NDUFS1: variants seen among roughly 807,000 people sequenced by gnomAD.
NDUFS1 encodes NADH-ubiquinone oxidoreductase 75 kDa subunit, mitochondrial.
NDUFS1 carries 61 observed loss-of-function variants against 84.4 expected under a neutral mutation model. That is an observed-to-expected ratio of 0.72 (90% confidence interval 0.59 to 0.89). The LOEUF (loss-of-function observed/expected upper bound fraction) is 0.89. NDUFS1 is among the 40% of genes least tolerant of loss of function. NDUFS1 has a pLI of 0.00. For missense variants in NDUFS1, 891 were observed against 890.0 expected, an observed-to-expected ratio of 1.00 and a Z score of -0.01; for synonymous variants, 275 against 290.0, an observed-to-expected ratio of 0.95 and a Z score of 0.53.
At chr2:206,132,875 G>A (rs1484519370) in intron 14 of NDUFS1, 70 bp downstream of exon 14, 1 of 1,348,214 alleles carries the variant, frequency 7.4e-7, no homozygotes, top group Non-Finnish European at 1.1e-6. Flanking sequence ...ATTTAACAGT[G>A]TATCAGGAAC....
chr2:206,128,776 A>G (rs1691393083), intron 15 of NDUFS1, among the ~76,000 whole-genome samples: 1 of 151,670 alleles, frequency 6.6e-6, no homozygotes, highest in South Asian at 2.1e-4. Flanking sequence ...GTGAGACTCT[A>G]TCTCAAAAAA....
intron 10 of NDUFS1, among the ~76,000 whole-genome samples, chr2:206,143,500 G>T (rs998766367): frequency 4.6e-5 from 7 of 151,820 alleles, no homozygotes; most frequent in African/African-American, 1.7e-4. Context: ...TCTCTAACAA[G>T]AAAACTATTC....
In NDUFS1 at chr2:206,121,235, T is replaced by C. The variant is rs1034410250; in HGVS notation, c.*2950A>G. 3 of 152,222 alleles carry C rather than the reference T, an allele frequency of 2.0e-5. No homozygotes were observed. Among genetic ancestry groups the C allele is most frequent in the Non-Finnish European group, 2.9e-5 (2 of 68,038 alleles). 9.4% of individuals were successfully genotyped at this position (152,222 alleles called of 1,614,324 possible). A position where few individuals can be genotyped will look rare whatever the true frequency, so the allele number is the denominator to read the frequency against. ...TCTTGAGCCTTTGTAGATTTTCTCA[T>C]TGGTGATTCCTTCACTGCTTAGAAT... is the stretch of plus-strand genomic sequence containing the variant. On this transcript the variant is annotated 3_prime_UTR_variant, in exon 19 of 19. Coordinates refer to ENST00000233190, the MANE Select transcript of NDUFS1 (RefSeq NM_005006.7).
At chr2:206,126,491 T>G (rs1691296365) in intron 18 of NDUFS1, 48 bp downstream of exon 18, 2 of 1,529,140 alleles carry the variant, frequency 1.3e-6, no homozygotes, top group Non-Finnish European at 1.8e-6. Context: ...GTGATCTGAT[T>G]ACTTCTTACC....
chr2:206,147,002 A>G lies in NDUFS1; in HGVS notation c.638T>C (p.Met213Thr), dbSNP rs774141878. Residue 213 changes from methionine (M) to threonine (T), a missense_variant, in exon 8 of 19, where the codon ATG becomes ACG. By Grantham distance (81) the Met-to-Thr change is moderately conservative. Transcript: ENST00000233190. Reference protein sequence around the residue: ...DMQVGTYIEKMFMSELSGNII... With the variant: ...DMQVGTYIEKTFMSELSGNII... ...ATTCCCAGACAGTTCAGACATGAAC[A>G]TCTTTTCAATGTATGTGCCAACTTG... is the stretch of plus-strand genomic sequence containing the variant. 1 of 1,614,108 alleles carries G rather than the reference A, an allele frequency of 6.2e-7. No homozygotes were observed. The highest frequency in any genetic ancestry group is 8.5e-7 in the Non-Finnish European group (1 of 1,179,950).
At chr2:206,127,756 G>T in intron 16 of NDUFS1, 41 bp downstream of exon 16, 1 of 1,592,058 alleles carries the variant, frequency 6.3e-7, no homozygotes, top group Non-Finnish European at 8.6e-7. Flanking sequence ...TATCAAATAT[G>T]CCTTTAGTAG....
At chr2:206,137,161 T>A (rs1281736313) in intron 13 of NDUFS1, among the ~76,000 whole-genome samples, 2 of 152,218 alleles carry the variant, frequency 1.3e-5, no homozygotes, top group Non-Finnish European at 2.9e-5. Context: ...CTTATAGTGA[T>A]GTCTTCACCT....
chr2:206,147,627 C>T lies in NDUFS1; in HGVS notation c.455G>A (p.Arg152Gln), dbSNP rs1692208926. ...QSMMFGNDRS[R>Q]FLEGKRAVED... ...CACAGCACGCTTCCCCTCTAAAAAT[C>T]GGCTCCTATCATTTCCAAACATCAT... The change falls in exon 7 of 19, where the codon CGA (arginine) becomes CAA (glutamine). Residue 152 changes from arginine to glutamine, a missense_variant. Coordinates refer to ENST00000233190, the MANE Select transcript of NDUFS1 (RefSeq NM_005006.7). 5 of 1,614,126 alleles carry T rather than the reference C, an allele frequency of 3.1e-6. No homozygotes were observed. Among genetic ancestry groups the T allele is most frequent in the African/African-American group, 1.3e-5 (1 of 75,034 alleles).
Position 206,142,805 on chromosome 2 carries a change from C to T in NDUFS1, c.1014G>A (p.Val338=), listed in dbSNP as rs763080348. Residue 338 remains valine, a synonymous_variant, in exon 11 of 19, where the codon GTG becomes GTA. Coordinates refer to ENST00000233190, the MANE Select transcript of NDUFS1 (RefSeq NM_005006.7). ...CCACCAAGCCACCTGCAATTGCTGCCACATCTTTGCCTTGAAAACTCTGCA... is the reference window on the plus strand; with the variant it reads ...CCACCAAGCCACCTGCAATTGCTGCTACATCTTTGCCTTGAAAACTCTGCA... ...GMLQSFQGKD[V]AAIAGGLVDA... 2.5e-6 allele frequency: 4 copies of T among 1,614,156 alleles called. No homozygotes were observed. Among genetic ancestry groups the T allele is most frequent in the Non-Finnish European group, 3.4e-6 (4 of 1,180,036 alleles).
chr2:206,116,551 G>C lies in NDUFS1; in HGVS notation c.*7634C>G. 2.7e-6 allele frequency: 2 copies of C among 733,460 alleles called. No individual in the cohort carries two copies. Among genetic ancestry groups the C allele is most frequent in the Middle Eastern group, 3.9e-4 (1 of 2,594 alleles). 45.4% of individuals were successfully genotyped at this position (733,460 alleles called of 1,614,324 possible). ...CGCTACGCCTCAGCCACTCGCGCGG[G>C]GAGGCGGGGCGGTGTGGGCAGAAGT... On this transcript the variant is annotated 3_prime_UTR_variant, in exon 19 of 19. Coordinates refer to ENST00000233190, the MANE Select transcript of NDUFS1 (RefSeq NM_005006.7).
At chr2:206,156,187 C>T (rs867464770) in intron 1 of NDUFS1, among the ~76,000 whole-genome samples, 50 of 148,744 alleles carry the variant, frequency 3.4e-4, no homozygotes, top group Middle Eastern at 6.9e-3. Context: ...GGCGTGAACC[C>T]GGGAGGCGGA....
chr2:206,149,128 T>C, intron 4 of NDUFS1, 32 bp from the exon 5 acceptor site: 2 of 1,482,692 alleles, frequency 1.3e-6, no homozygotes, highest in East Asian at 2.3e-5. Flanking sequence ...AAAATGTGTA[T>C]TTGTATTTAT....
intron 1 of NDUFS1, among the ~76,000 whole-genome samples, chr2:206,157,216 G>C (rs779373543): frequency 5.3e-5 from 8 of 152,208 alleles, no homozygotes; most frequent in African/African-American, 7.2e-5. Flanking sequence ...CTCCCAACGT[G>C]TTGGGATTAC....
In NDUFS1 at chr2:206,115,300, CA is replaced by C. The variant is rs1171171458; in HGVS notation, c.*8884del. On this transcript the variant is annotated 3_prime_UTR_variant, in exon 19 of 19. Coordinates refer to ENST00000233190, the MANE Select transcript of NDUFS1 (RefSeq NM_005006.7). ...CTATGTTTTGAATGTGTTGTCTCCA[CA>C]ATTCATGTGTTGGAAACTTAATCCC... 6.5e-6 allele frequency: 1 copy of C among 152,772 alleles called. No homozygotes were observed. The highest frequency in any genetic ancestry group is 1.5e-5 in the Non-Finnish European group (1 of 68,502). The allele number at this position is 152,772 out of a possible 1,614,324, so 9.5% of individuals were successfully genotyped here.
intron 12 of NDUFS1, among the ~76,000 whole-genome samples, chr2:206,141,437 C>T (rs937089444): frequency 6.6e-6 from 1 of 151,806 alleles, no homozygotes. Flanking sequence ...GAGGCTGAGG[C>T]AGGAGAATGG....
chr2:206,139,733 T>C (rs1176423101), intron 12 of NDUFS1, among the ~76,000 whole-genome samples: 1 of 151,874 alleles, frequency 6.6e-6, no homozygotes, highest in Non-Finnish European at 1.5e-5. Context: ...TTTTCCCTGT[T>C]ATCCTGATGT....
At chr2:206,131,269 A>C (rs74703977) in intron 14 of NDUFS1, among the ~76,000 whole-genome samples, 136 of 152,330 alleles carry the variant, frequency 8.9e-4, no homozygotes, top group African/African-American at 3.1e-3. Flanking sequence ...TCTGTGAATC[A>C]CTGTATTATT....
intron 12 of NDUFS1, among the ~76,000 whole-genome samples, chr2:206,141,368 T>C (rs185794334): frequency 5.4e-5 from 8 of 147,754 alleles, no homozygotes; most frequent in African/African-American, 2.0e-4. Context: ...CCGTCTCTAC[T>C]AAAAATACAA....
chr2:206,139,770 G>A (rs1402764607), intron 12 of NDUFS1, among the ~76,000 whole-genome samples: 19 of 146,584 alleles, frequency 1.3e-4, no homozygotes, highest in Admixed American at 7.7e-4. Flanking sequence ...TTTCACTCCC[G>A]TAGTTTAGAC....
Sources: gnomAD v4.1 joint callset for allele counts (sites outside exome capture counted in the v4.1 genomes callset) on GRCh38, gnomAD v4.1.1 for gene constraint, MANE v1.5 for transcripts, NCBI Gene and HGNC (gene_info 2026-07-23, HGNC 2026-07-21) for gene names.